The following PTPRD variants were observed in gnomAD, a reference collection of about 807,000 sequenced individuals.
PTPRD encodes the protein receptor-type tyrosine-protein phosphatase delta.
Under a neutral mutation model 214.5 loss-of-function variants are expected in PTPRD, and 34 were observed. The observed-to-expected ratio is 0.16, with a 90% CI of 0.12 to 0.21. The LOEUF (loss-of-function observed/expected upper bound fraction) is 0.21, where lower values mean the gene tolerates loss of function less well. PTPRD is among the 10% of genes least tolerant of loss of function. PTPRD has a pLI of 1.00. For synonymous variants in PTPRD, 1,128 were observed against 845.7 expected (o/e 1.33, Z -5.79); for missense variants, 2,545 against 2,398.7 (o/e 1.06, Z -1.27).
intron 4 of PTPRD, among the ~76,000 whole-genome samples, chr9:10,010,698 T>G (rs1174714784): frequency 6.6e-6 from 1 of 151,908 alleles, no homozygotes. Flanking sequence ...TAGAGATATT[T>G]TGAGAAATCA....
intron 2 of PTPRD, among the ~76,000 whole-genome samples, chr9:10,514,921 G>C (rs1327672649): frequency 6.6e-6 from 1 of 151,746 alleles, no homozygotes; most frequent in Non-Finnish European, 1.5e-5. Context: ...TGGGAACCAG[G>C]GTAAAAAGAT....
At chr9:9,949,708 C>G (rs138359148) in intron 4 of PTPRD, among the ~76,000 whole-genome samples, 1 of 151,712 alleles carries the variant, frequency 6.6e-6, no homozygotes, top group African/African-American at 2.4e-5. Context: ...ACAACAACAA[C>G]AAAAAAAATG....
At chr9:9,754,288 C>T (rs1408955381) in intron 6 of PTPRD, among the ~76,000 whole-genome samples, 1 of 151,952 alleles carries the variant, frequency 6.6e-6, no homozygotes, top group African/African-American at 2.4e-5. Flanking sequence ...TCTTACACGC[C>T]CCGTAATGAA....
intron 9 of PTPRD, among the ~76,000 whole-genome samples, chr9:9,318,822 C>T (rs1239160654): frequency 6.6e-6 from 1 of 152,092 alleles, no homozygotes; most frequent in Non-Finnish European, 1.5e-5. Flanking sequence ...AGGTGAGCTC[C>T]TTGTTGACGT....
In PTPRD at chr9:9,892,760, G is replaced by A. The variant is rs190065811; in HGVS notation, c.-368+45747C>T. 2.9e-3 allele frequency among the ~76,000 whole-genome samples: 431 copies of A among 150,282 alleles called. 4 individuals are homozygous for A. Among genetic ancestry groups the A allele is most frequent in the Non-Finnish European group, 4.7e-3 (321 of 67,696 alleles). ...ATAACGAGGTAAAAAAAAAAAAATT[G>A]TGTCTTGTTCAGGGAAATAGCAATG... is the stretch of plus-strand genomic sequence containing the variant. On this transcript the variant is annotated intron_variant, in intron 5 of 45. Coordinates refer to ENST00000381196, the MANE Select transcript of PTPRD (RefSeq NM_002839.4).
intron 10 of PTPRD, among the ~76,000 whole-genome samples, chr9:9,091,584 G>A (rs919517310): frequency 6.6e-6 from 1 of 152,100 alleles, no homozygotes; most frequent in Non-Finnish European, 1.5e-5. Context: ...AGCCTATTCA[G>A]CACTTTGGAC....
rs148011843 is a variant in PTPRD at position 9,837,750 on chromosome 9, C to A, written c.-367-70899G>T. Among the ~76,000 whole-genome samples the A allele has an allele frequency of 8.6e-3, 1,293 of 150,860 alleles. 20 individuals are homozygous for A. The highest frequency in any genetic ancestry group is 0.03 in the African/African-American group (1,231 of 40,628). Reference sequence around the variant, plus strand: ...CTGTGTTTTCTGTTCTCTGTCCTTGCTGCATTTTTTTATTCTTTTATTTTA... The same window carrying A: ...CTGTGTTTTCTGTTCTCTGTCCTTGATGCATTTTTTTATTCTTTTATTTTA... On this transcript the variant is annotated intron_variant, in intron 5 of 45. Transcript: ENST00000381196.
chr9:9,464,675 A>C (rs1427814666), intron 8 of PTPRD, among the ~76,000 whole-genome samples: 1 of 152,114 alleles, frequency 6.6e-6, no homozygotes, highest in Admixed American at 6.5e-5. Flanking sequence ...CTGTTAGTTG[A>C]TTTCCACCCC....
chr9:8,995,711 AGCTCATTCACAGAAGTTTCAGGTTT>A (rs2099394065), intron 11 of PTPRD, among the ~76,000 whole-genome samples: 1 of 152,114 alleles, frequency 6.6e-6, no homozygotes, highest in African/African-American at 2.4e-5. Flanking sequence ...ATCAGAGCAG[AGCTCATTCACAGAAGTTTCAGGTTT>A]CACAGTGTTA....
chr9:8,683,377 T>G (rs1182909896), intron 12 of PTPRD, among the ~76,000 whole-genome samples: 1 of 144,822 alleles, frequency 6.9e-6, no homozygotes, highest in Non-Finnish European at 1.5e-5. Flanking sequence ...ATGGAGACAC[T>G]CCTTTCTCAA....
intron 8 of PTPRD, among the ~76,000 whole-genome samples, chr9:9,455,116 T>C (rs922460384): frequency 6.6e-6 from 1 of 151,656 alleles, no homozygotes; most frequent in African/African-American, 2.4e-5. Flanking sequence ...TTTGTTTTCC[T>C]TAAAAGTTTT....
chr9:9,793,544 T>C (rs941327663), intron 5 of PTPRD, among the ~76,000 whole-genome samples: 8 of 152,266 alleles, frequency 5.3e-5, no homozygotes, highest in African/African-American at 1.7e-4. Flanking sequence ...CCTAAATTTA[T>C]TTTATGCTGT....
intron 2 of PTPRD, among the ~76,000 whole-genome samples, chr9:10,610,068 T>C (rs1273501021): frequency 2.0e-5 from 3 of 152,074 alleles, no homozygotes; most frequent in African/African-American, 4.8e-5. Context: ...ACAAGAACAA[T>C]TGCATAATAA....
intron 2 of PTPRD, among the ~76,000 whole-genome samples, chr9:10,564,999 C>G (rs906521693): frequency 6.6e-6 from 1 of 152,068 alleles, no homozygotes; most frequent in Non-Finnish European, 1.5e-5. Context: ...TTGAAACTTT[C>G]TAGGCCTCTA....
chr9:8,769,639 C>A (rs935209573), intron 11 of PTPRD, among the ~76,000 whole-genome samples: 1 of 151,986 alleles, frequency 6.6e-6, no homozygotes, highest in Non-Finnish European at 1.5e-5. Context: ...AAACATCAGC[C>A]CTCAGTGTAA....
At chr9:9,412,231 ATG>A (rs2075676996) in intron 8 of PTPRD, among the ~76,000 whole-genome samples, 2 of 152,118 alleles carry the variant, frequency 1.3e-5, no homozygotes, top group African/African-American at 4.8e-5. Flanking sequence ...TTTAATAATT[ATG>A]CCTTATTTCA....
At chr9:9,283,361 C>G (rs950661445) in intron 9 of PTPRD, among the ~76,000 whole-genome samples, 1 of 151,496 alleles carries the variant, frequency 6.6e-6, no homozygotes. Context: ...CATTGTATTA[C>G]TGTGAGATCT....
At chr9:9,205,368 C>T (rs2099944195) in intron 9 of PTPRD, among the ~76,000 whole-genome samples, 1 of 152,146 alleles carries the variant, frequency 6.6e-6, no homozygotes, top group Admixed American at 6.5e-5. Flanking sequence ...TTGGCTTCCA[C>T]TTCATATTCT....
chr9:9,042,490 G>A (rs2099643091), intron 10 of PTPRD, among the ~76,000 whole-genome samples: 1 of 152,102 alleles, frequency 6.6e-6, no homozygotes, highest in Admixed American at 6.5e-5. Context: ...GTTGTCACCA[G>A]AGAAAGGAGA....
Sources: allele counts gnomAD v4.1 joint callset (sites outside exome capture counted in the v4.1 genomes callset), GRCh38; gene constraint gnomAD v4.1.1; transcripts MANE v1.5; gene names NCBI Gene and HGNC (gene_info 2026-07-23, HGNC 2026-07-21).